The following FAM171A1 variants were observed in gnomAD, a reference collection of about 807,000 sequenced individuals.
The protein encoded by FAM171A1 is protein FAM171A1.
Under a neutral mutation model 74.9 loss-of-function variants are expected in FAM171A1, and 23 were observed. That is an observed-to-expected ratio of 0.31 (90% CI 0.22 to 0.44). The LOEUF is 0.44. Among genes scored for constraint, FAM171A1 ranks in the 20% least tolerant of loss-of-function variants. The pLI is 1.00. For missense variants in FAM171A1, 1,162 were observed against 1,159.2 expected (o/e 1.00, Z -0.03); for synonymous variants, 527 against 505.7 (o/e 1.04, Z -0.57).
chr10:15,238,443 T>A (rs1374082711), intron 5 of FAM171A1, among the ~76,000 whole-genome samples: 1 of 152,194 alleles, frequency 6.6e-6, no homozygotes, highest in African/African-American at 2.4e-5. Flanking sequence ...ATCATTTCCA[T>A]GTTCAATAAT....
intron 1 of FAM171A1, among the ~76,000 whole-genome samples, chr10:15,300,538 G>T (rs1381400712): frequency 6.6e-6 from 1 of 151,746 alleles, no homozygotes; most frequent in Non-Finnish European, 1.5e-5. Context: ...ACTTTATTTG[G>T]TGAAACAAAA....
At chr10:15,283,053 A>C (rs566641813) in intron 2 of FAM171A1, among the ~76,000 whole-genome samples, 18 of 152,338 alleles carry the variant, frequency 1.2e-4, no homozygotes, top group Non-Finnish European at 2.1e-4. Context: ...CTTAGCTTAT[A>C]ATCAATGACT....
chr10:15,359,592 C>T (rs572465049), intron 1 of FAM171A1, among the ~76,000 whole-genome samples: 2 of 152,262 alleles, frequency 1.3e-5, no homozygotes, highest in East Asian at 1.9e-4. Flanking sequence ...CCCTCATCCC[C>T]GGAACCTGTC....
At chr10:15,339,829 A>G (rs1835743789) in intron 1 of FAM171A1, among the ~76,000 whole-genome samples, 3 of 152,220 alleles carry the variant, frequency 2.0e-5, no homozygotes, top group Admixed American at 2.0e-4. Context: ...TAATGGACTC[A>G]CAGTTCCGTG....
At chr10:15,287,880 C>T (rs1239825607) in intron 1 of FAM171A1, among the ~76,000 whole-genome samples, 2 of 152,166 alleles carry the variant, frequency 1.3e-5, no homozygotes, top group African/African-American at 4.8e-5. Context: ...GTAGTGTACA[C>T]TGTACCCAAT....
intron 5 of FAM171A1, among the ~76,000 whole-genome samples, chr10:15,223,513 T>C (rs1834066493): frequency 6.6e-6 from 1 of 152,248 alleles, no homozygotes; most frequent in Non-Finnish European, 1.5e-5. Flanking sequence ...TGCTCATTCA[T>C]GAATGCACAC....
chr10:15,349,211 A>G (rs1382341141), intron 1 of FAM171A1, among the ~76,000 whole-genome samples: 1 of 152,236 alleles, frequency 6.6e-6, no homozygotes, highest in African/African-American at 2.4e-5. Context: ...CCTAGAAAAT[A>G]CAGAACAGGG....
At chr10:15,272,436 A>C (rs538680582) in intron 3 of FAM171A1, among the ~76,000 whole-genome samples, 2 of 152,202 alleles carry the variant, frequency 1.3e-5, no homozygotes, top group Non-Finnish European at 2.9e-5. Context: ...CCCACACAAT[A>C]ATATTGGGAG....
intron 1 of FAM171A1, among the ~76,000 whole-genome samples, chr10:15,307,571 G>T (rs527379753): frequency 3.3e-5 from 5 of 150,356 alleles, no homozygotes; most frequent in African/African-American, 1.2e-4. Flanking sequence ...GCTTGTATTC[G>T]GGAGGCAGAG....
intron 1 of FAM171A1, among the ~76,000 whole-genome samples, chr10:15,287,173 G>T (rs1419395382): frequency 2.1e-5 from 3 of 142,248 alleles, no homozygotes; most frequent in East Asian, 2.1e-4. Context: ...CTCACCGTAA[G>T]CTTCGCCTCC....
intron 1 of FAM171A1, among the ~76,000 whole-genome samples, chr10:15,346,381 G>T (rs534104368): frequency 6.6e-6 from 1 of 152,288 alleles, no homozygotes. Flanking sequence ...ACAGGTGTGA[G>T]CCACTACGCC....
chr10:15,250,618 G>A (rs1834495752), intron 4 of FAM171A1, among the ~76,000 whole-genome samples: 1 of 152,124 alleles, frequency 6.6e-6, no homozygotes, highest in African/African-American at 2.4e-5. Context: ...AAATTAGCTG[G>A]GCATGGTGGT....
rs1313729891 is a variant in FAM171A1, at chr10:15,297,862, T to C, written c.98-13757A>G. ...ATGAGGTTTTCTAGGGCTGGTTCCATATGCATATAATGCTAGAAGAGCTAC... is the reference window on the plus strand; with the variant it reads ...ATGAGGTTTTCTAGGGCTGGTTCCACATGCATATAATGCTAGAAGAGCTAC... On this transcript the variant is annotated intron_variant, in intron 1 of 7. Transcript: ENST00000378116. Among the ~76,000 whole-genome samples the C allele has an allele frequency of 3.3e-5, 5 of 152,310 alleles. No individual in the cohort carries two copies. The South Asian group carries it at 1.0e-3, about 32-fold the overall frequency.
At chr10:15,331,272 G>A (rs919873165) in intron 1 of FAM171A1, among the ~76,000 whole-genome samples, 4 of 152,172 alleles carry the variant, frequency 2.6e-5, no homozygotes, top group Admixed American at 6.5e-5. Context: ...GCGTCACCAG[G>A]CAACTGCAAA....
At position 15,284,034 on chromosome 10, in the gene FAM171A1, A is replaced by G. The variant is rs756179145; in HGVS notation, c.169T>C (p.Phe57Leu). 6.2e-7 allele frequency: 1 copy of G among 1,614,098 alleles called. No homozygotes were observed. Reference sequence around the variant, plus strand: ...GAGGCTATGGAGGCCTGGTTGGTGAAGATCTCGATGAGCGCATCTGCTACG... The same window carrying G: ...GAGGCTATGGAGGCCTGGTTGGTGAGGATCTCGATGAGCGCATCTGCTACG... ...QPVADALIEI[F>L]TNQASIASGT... Residue 57 changes from phenylalanine to leucine, a missense_variant, in exon 2 of 8, where the codon TTC becomes CTC. Physicochemically the swap from Phe to Leu is conservative, Grantham distance 22 (BLOSUM62 0). Transcript: ENST00000378116.
chr10:15,308,060 G>A (rs951123321), intron 1 of FAM171A1, among the ~76,000 whole-genome samples: 12 of 151,982 alleles, frequency 7.9e-5, no homozygotes, highest in African/African-American at 2.9e-4. Flanking sequence ...AATCCACCTC[G>A]GCCTCTCAAA....
intron 5 of FAM171A1, among the ~76,000 whole-genome samples, chr10:15,222,495 G>A (rs1834051550): frequency 6.6e-6 from 1 of 152,198 alleles, no homozygotes. Flanking sequence ...AAAAGGTACA[G>A]TAAAAATACA....
At chr10:15,333,168 C>T (rs1310281796) in intron 1 of FAM171A1, among the ~76,000 whole-genome samples, 1 of 152,162 alleles carries the variant, frequency 6.6e-6, no homozygotes. Context: ...GGGCTTCTAG[C>T]GTTTGGGTCC....
intron 3 of FAM171A1, among the ~76,000 whole-genome samples, chr10:15,263,085 A>C (rs10906876): frequency 0.92 from 140,329 of 152,224 alleles, 64,744 homozygotes; most frequent in Admixed American, 0.96. Flanking sequence ...ATGAGGAGCC[A>C]AGCAGAGGAT....
Sources: gnomAD v4.1 joint callset for allele counts (sites outside exome capture counted in the v4.1 genomes callset) on GRCh38, gnomAD v4.1.1 for gene constraint, MANE v1.5 for transcripts, NCBI Gene and HGNC (gene_info 2026-07-23, HGNC 2026-07-21) for gene names.